TENM2: variants seen among roughly 807,000 people sequenced by gnomAD.
TENM2 encodes the protein teneurin transmembrane protein 2.
In TENM2, 52 loss-of-function variants were observed where a neutral mutation model predicts 245.2. The observed-to-expected ratio is 0.21, with a 90% CI of 0.17 to 0.27. The LOEUF (loss-of-function observed/expected upper bound fraction) is 0.27, where lower values mean the gene tolerates loss of function less well. Among genes scored for constraint, TENM2 ranks in the 10% least tolerant of loss-of-function variants. The pLI, the probability that TENM2 is intolerant of heterozygous loss-of-function variation, is 1.00. For synonymous variants in TENM2, 1,363 were observed against 1,438.9 expected (o/e 0.95, Z 1.19); for missense variants, 3,046 against 3,666.8 (o/e 0.83, Z 4.37).
intron 1 of TENM2, among the ~76,000 whole-genome samples, chr5:167,347,158 G>A (rs953331207): frequency 2.0e-5 from 3 of 151,672 alleles, no homozygotes; most frequent in Non-Finnish European, 4.4e-5. Flanking sequence ...AAAAAAACCT[G>A]TGTATAAAAA....
intron 13 of TENM2, among the ~76,000 whole-genome samples, chr5:168,183,111 T>G (rs954672680): frequency 1.3e-5 from 2 of 152,170 alleles, no homozygotes; most frequent in African/African-American, 4.8e-5. Context: ...ATTACAGGCG[T>G]GAGCCACCGC....
chr5:168,111,014 C>T (rs902944620), intron 9 of TENM2, among the ~76,000 whole-genome samples: 4 of 152,186 alleles, frequency 2.6e-5, no homozygotes, highest in African/African-American at 7.2e-5. Flanking sequence ...TCATCCAACT[C>T]ATATGTCATG....
chr5:167,993,867 G>A (rs768370936), intron 5 of TENM2, among the ~76,000 whole-genome samples: 2 of 152,250 alleles, frequency 1.3e-5, no homozygotes, highest in Non-Finnish European at 2.9e-5. Flanking sequence ...TATGACATAG[G>A]TGAAGTTGCT....
chr5:167,296,011 A>G (rs1456484140), intron 1 of TENM2, among the ~76,000 whole-genome samples: 1 of 152,252 alleles, frequency 6.6e-6, no homozygotes, highest in Non-Finnish European at 1.5e-5. Context: ...GGAATATTTT[A>G]CCAAAGGTAC....
chr5:167,034,907 C>T, the TENM2 span, among the ~76,000 whole-genome samples: 3 of 151,968 alleles, frequency 2.0e-5, no homozygotes, highest in Non-Finnish European at 4.4e-5. Context: ...AATGAAAGTG[C>T]TTTAGTATTT....
At chr5:167,337,472 A>T (rs1757849080) in intron 1 of TENM2, among the ~76,000 whole-genome samples, 1 of 152,234 alleles carries the variant, frequency 6.6e-6, no homozygotes, top group South Asian at 2.1e-4. Flanking sequence ...AGGAAGAGAC[A>T]TGTTAAAAGC....
chr5:167,363,470 G>T (rs986416060), intron 1 of TENM2, among the ~76,000 whole-genome samples: 18 of 152,004 alleles, frequency 1.2e-4, no homozygotes, highest in African/African-American at 4.1e-4. Context: ...GGTGGCTCAC[G>T]CCTGTAATTC....
chr5:167,587,642 C>T (rs1301789087), intron 2 of TENM2, among the ~76,000 whole-genome samples: 1 of 152,134 alleles, frequency 6.6e-6, no homozygotes, highest in African/African-American at 2.4e-5. Flanking sequence ...AGTTTATGAG[C>T]AATAGTTAAT....
chr5:167,953,687 CAG>C (rs1780300346), intron 4 of TENM2, among the ~76,000 whole-genome samples: 1 of 152,174 alleles, frequency 6.6e-6, no homozygotes, highest in African/African-American at 2.4e-5. Flanking sequence ...GGAGACGGAA[CAG>C]AGAGGAGGGC....
At chr5:167,117,969 G>A in the TENM2 span, among the ~76,000 whole-genome samples, 1 of 152,138 alleles carries the variant, frequency 6.6e-6, no homozygotes. Flanking sequence ...CACACCATGG[G>A]CAAAGGAAAC....
At chr5:168,017,566 C>T (rs192626015) in intron 5 of TENM2, among the ~76,000 whole-genome samples, 5 of 152,262 alleles carry the variant, frequency 3.3e-5, no homozygotes, top group Non-Finnish European at 7.4e-5. Flanking sequence ...GCTAGCAGAT[C>T]ACCTTTGAAT....
intron 5 of TENM2, among the ~76,000 whole-genome samples, chr5:168,004,684 G>T (rs1289194630): frequency 2.0e-5 from 3 of 152,150 alleles, no homozygotes; most frequent in African/African-American, 7.2e-5. Flanking sequence ...TTCTAGTCCT[G>T]CTTCCAAAGA....
At chr5:167,236,836 T>C in the TENM2 span, among the ~76,000 whole-genome samples, 1 of 151,774 alleles carries the variant, frequency 6.6e-6, no homozygotes, top group African/African-American at 2.4e-5. Context: ...TACCACTGGC[T>C]GGCTGACCAC....
At chr5:168,030,135 T>C (rs954833495) in intron 5 of TENM2, among the ~76,000 whole-genome samples, 3 of 149,940 alleles carry the variant, frequency 2.0e-5, no homozygotes, top group African/African-American at 7.4e-5. Context: ...CCATGTTACT[T>C]TGGCCCAAGT....
At chr5:168,012,783 A>C (rs1391348397) in intron 5 of TENM2, among the ~76,000 whole-genome samples, 1 of 151,360 alleles carries the variant, frequency 6.6e-6, no homozygotes, top group African/African-American at 2.4e-5. Context: ...TGAAAAAAAA[A>C]AAAAAAAAAA....
At chr5:168,161,733 T>C (rs1449344413) in intron 12 of TENM2, among the ~76,000 whole-genome samples, 1 of 151,712 alleles carries the variant, frequency 6.6e-6, no homozygotes, top group African/African-American at 2.4e-5. Flanking sequence ...GTCAGGAGAG[T>C]GCTGGCTGCA....
intron 6 of TENM2, among the ~76,000 whole-genome samples, chr5:168,053,064 C>T (rs1394978557): frequency 1.3e-5 from 2 of 152,118 alleles, no homozygotes; most frequent in Non-Finnish European, 2.9e-5. Flanking sequence ...GATCACTTCC[C>T]TATATGGGGC....
chr5:168,131,715 A>G (rs1046160171), intron 12 of TENM2, among the ~76,000 whole-genome samples: 3 of 152,134 alleles, frequency 2.0e-5, no homozygotes, highest in African/African-American at 7.2e-5. Flanking sequence ...TTCCAGTCTC[A>G]TTCTAAGTTA....
chr5:167,242,032 T>TTTTTTTG, the TENM2 span, among the ~76,000 whole-genome samples: 1 of 150,760 alleles, frequency 6.6e-6, no homozygotes, highest in African/African-American at 2.5e-5. Context: ...CTTTGTTTTC[T>TTTTTTTG]TTTTTTGTTT....
Sources: allele counts gnomAD v4.1 joint callset (sites outside exome capture counted in the v4.1 genomes callset), GRCh38; gene constraint gnomAD v4.1.1; transcripts MANE v1.5; gene names NCBI Gene and HGNC (gene_info 2026-07-23, HGNC 2026-07-21).